The following EFCAB6 variants were observed in gnomAD, a reference collection of about 807,000 sequenced individuals.
EFCAB6 encodes EF-hand calcium binding domain 6.
In EFCAB6, 156 loss-of-function variants were observed where a neutral mutation model predicts 169.8. The ratio of observed to expected loss-of-function variants is 0.92; its 90% CI spans 0.81 to 1.05. The LOEUF is 1.05. Among genes scored for constraint, EFCAB6 ranks in the 50% least tolerant of loss-of-function variants. The probability of loss-of-function intolerance (pLI) is 0.00; values close to 1 mark genes in which losing one functional copy is unlikely to be tolerated. For synonymous variants in EFCAB6, 698 were observed against 676.4 expected (o/e 1.03, Z -0.50); for missense variants, 1,800 against 1,829.1 (o/e 0.98, Z 0.29).
At chr22:43,639,038 G>A (rs2055627225) in intron 17 of EFCAB6, among the ~76,000 whole-genome samples, 1 of 150,982 alleles carries the variant, frequency 6.6e-6, no homozygotes, top group African/African-American at 2.4e-5. Context: ...GCCCACCTCG[G>A]CCTCCCAAAG....
At chr22:43,803,750 G>A (rs926431775) in intron 2 of EFCAB6, among the ~76,000 whole-genome samples, 4 of 151,922 alleles carry the variant, frequency 2.6e-5, no homozygotes, top group African/African-American at 2.4e-5. Context: ...CTTCACTCTC[G>A]GTAATGAATA....
At chr22:43,598,232 G>A (rs867395260) in intron 23 of EFCAB6, among the ~76,000 whole-genome samples, 31 of 141,532 alleles carry the variant, frequency 2.2e-4, no homozygotes, top group African/African-American at 7.8e-4. Context: ...ACCTGAGCCT[G>A]GAAAGTTGAG....
At chr22:43,548,643 C>T (rs16990755) in intron 27 of EFCAB6, among the ~76,000 whole-genome samples, 8 of 147,026 alleles carry the variant, frequency 5.4e-5, no homozygotes, top group South Asian at 2.2e-4. Context: ...CAACCTTGAA[C>T]GCACATACAT....
chr22:43,560,588 TGGCCCTGGTTGGGGTGGCCACTGCA>T (rs1414012058), intron 26 of EFCAB6, among the ~76,000 whole-genome samples: 1 of 152,230 alleles, frequency 6.6e-6, no homozygotes, highest in Non-Finnish European at 1.5e-5. Flanking sequence ...GGCTGGGACA[TGGCCCTGGTTGGGGTGGCCACTGCA>T]GGCCTCCTTG....
At chr22:43,688,063 T>C (rs2058269685) in intron 10 of EFCAB6, among the ~76,000 whole-genome samples, 2 of 152,142 alleles carry the variant, frequency 1.3e-5, no homozygotes, top group Admixed American at 6.5e-5. Flanking sequence ...CCCACTCTAA[T>C]CCCATACATT....
intron 17 of EFCAB6, among the ~76,000 whole-genome samples, chr22:43,643,404 T>C (rs1408949418): frequency 6.6e-6 from 1 of 152,222 alleles, no homozygotes; most frequent in Non-Finnish European, 1.5e-5. Flanking sequence ...TTCAACTTTG[T>C]CCTTTACTGA....
intron 11 of EFCAB6, 74 bp downstream of exon 11, chr22:43,687,395 GCA>G (rs2058238157): frequency 1.1e-6 from 1 of 880,346 alleles, no homozygotes; most frequent in Non-Finnish European, 1.7e-6. Flanking sequence ...AGAAAAAGTA[GCA>G]CAGATATTCT....
intron 12 of EFCAB6, among the ~76,000 whole-genome samples, chr22:43,681,040 G>A (rs1569374652): frequency 1.3e-5 from 2 of 152,210 alleles, no homozygotes; most frequent in Non-Finnish European, 2.9e-5. Context: ...TGCTGTCCCT[G>A]ATCTTAGGAG....
intron 17 of EFCAB6, among the ~76,000 whole-genome samples, chr22:43,664,266 AT>A (rs2057141200): frequency 6.6e-6 from 1 of 152,196 alleles, no homozygotes; most frequent in Admixed American, 6.5e-5. Context: ...TCAGGGTGGC[AT>A]TCATTTAGGG....
At chr22:43,548,128 G>C (rs112113608) in intron 27 of EFCAB6, among the ~76,000 whole-genome samples, 3,193 of 152,202 alleles carry the variant, frequency 0.021, 104 homozygotes, top group African/African-American at 0.073. Flanking sequence ...CGATATAAAA[G>C]AGATGAGCAT....
chr22:43,757,225 T>C (rs1455523931), intron 5 of EFCAB6, among the ~76,000 whole-genome samples: 3 of 152,206 alleles, frequency 2.0e-5, no homozygotes, highest in African/African-American at 4.8e-5. Context: ...ATTCAATAGA[T>C]ACAAAACGCT....
rs1330056103 is a variant in EFCAB6, at chr22:43,721,133, C to A, written c.758-4161G>T. Among the ~76,000 whole-genome samples the A allele has an allele frequency of 3.3e-5, 5 of 152,114 alleles. No homozygotes were observed. In the East Asian group the frequency reaches 9.7e-4, roughly 29 times the overall value. On this transcript the variant is annotated intron_variant, in intron 8 of 31. Transcript: ENST00000262726. ...AATACAATCCCACGTGCAATAGCCACAAAGAAAATAAAATACCTGAGAATA... is the reference window on the plus strand; with the variant it reads ...AATACAATCCCACGTGCAATAGCCAAAAAGAAAATAAAATACCTGAGAATA...
At chr22:43,546,700 C>T (rs905689837) in intron 27 of EFCAB6, among the ~76,000 whole-genome samples, 1 of 151,826 alleles carries the variant, frequency 6.6e-6, no homozygotes, top group African/African-American at 2.4e-5. Flanking sequence ...GTGAAACACC[C>T]GTCTCTACTA....
chr22:43,604,660 A>G (rs1004865526), intron 22 of EFCAB6, among the ~76,000 whole-genome samples: 2 of 152,092 alleles, frequency 1.3e-5, no homozygotes, highest in African/African-American at 4.8e-5. Flanking sequence ...TGGTTGAGCT[A>G]ATAGAAATGG....
In EFCAB6 at chr22:43,635,090, G is replaced by A. The variant is rs957927554; in HGVS notation, c.2098+12C>T. 2 of 1,609,924 alleles carry A rather than the reference G, an allele frequency of 1.2e-6. No homozygotes were observed. Among genetic ancestry groups the A allele is most frequent in the Non-Finnish European group, 1.7e-6 (2 of 1,176,290 alleles). On this transcript the variant is annotated intron_variant, in intron 18 of 31. Transcript: ENST00000262726. ...ACGCATCCCACAGGGTGTGGACTTG[G>A]CCATTAGCTACCTTCAAATCCTGCT...
At chr22:43,701,044 A>T (rs750607596) in intron 10 of EFCAB6, among the ~76,000 whole-genome samples, 3 of 152,236 alleles carry the variant, frequency 2.0e-5, no homozygotes, top group Admixed American at 6.5e-5. Flanking sequence ...CGTCCTGGTA[A>T]ATCAACAAAA....
At chr22:43,767,458 G>C (rs997100860) in intron 4 of EFCAB6, among the ~76,000 whole-genome samples, 1 of 152,194 alleles carries the variant, frequency 6.6e-6, no homozygotes, top group Non-Finnish European at 1.5e-5. Flanking sequence ...TTCAAGGTTG[G>C]GTGCCCTCCT....
chr22:43,805,762 T>C (rs1486106231), intron 2 of EFCAB6, among the ~76,000 whole-genome samples: 4 of 152,230 alleles, frequency 2.6e-5, no homozygotes, highest in Non-Finnish European at 5.9e-5. Context: ...ATCCCAAGTA[T>C]ACTGATTTGA....
rs548272548 is a variant in EFCAB6 at position 43,623,929 on chromosome 22, A to G, written c.2465+2518T>C. Among the ~76,000 whole-genome samples, 49 of 151,196 alleles carry G rather than the reference A, an allele frequency of 3.2e-4. No homozygotes were observed. In the East Asian group the frequency reaches 9.2e-3, roughly 28 times the overall value. ...TTCTCAAAAAAAAAAAAAAGAAAAA[A>G]AAGAAAAAAGAAAAAGAAAGGGGTG... On this transcript the variant is annotated intron_variant, in intron 20 of 31. Coordinates refer to ENST00000262726, the MANE Select transcript of EFCAB6 (RefSeq NM_022785.4).
Sources: gnomAD v4.1 joint callset for allele counts (sites outside exome capture counted in the v4.1 genomes callset) on GRCh38, gnomAD v4.1.1 for gene constraint, MANE v1.5 for transcripts, NCBI Gene and HGNC (gene_info 2026-07-23, HGNC 2026-07-21) for gene names.